The following CTNND2 variants were observed in gnomAD, a reference collection of about 807,000 sequenced individuals.
CTNND2 encodes catenin delta-2.
Under a neutral mutation model 144.4 loss-of-function variants are expected in CTNND2, and 22 were observed. The ratio of observed to expected loss-of-function variants is 0.15; its 90% CI spans 0.11 to 0.22. CTNND2 has a LOEUF of 0.22. CTNND2 is among the 10% of genes least tolerant of loss of function. The pLI is 1.00. For missense variants in CTNND2, 1,353 were observed against 1,618.8 expected, an observed-to-expected ratio of 0.84 and a Z score of 2.82; for synonymous variants, 751 against 695.6, an observed-to-expected ratio of 1.08 and a Z score of -1.25.
In CTNND2 at chr5:11,480,343, G is replaced by A. The variant is rs374222451; in HGVS notation, c.288-68274C>T. On this transcript the variant is annotated intron_variant, in intron 3 of 21. Coordinates refer to ENST00000304623, the MANE Select transcript of CTNND2 (RefSeq NM_001332.4). ...CACCAATGCCACTTGGAGCAGCCTT[G>A]GTTAATCACTTCTTCATGATTGAAG... 3.1e-4 allele frequency among the ~76,000 whole-genome samples: 47 copies of A among 152,196 alleles called. No homozygotes were observed. In the East Asian group the frequency reaches 8.1e-3, roughly 26 times the overall value.
At chr5:11,743,229 A>C (rs1233489192) in intron 1 of CTNND2, among the ~76,000 whole-genome samples, 1 of 152,240 alleles carries the variant, frequency 6.6e-6, no homozygotes. Flanking sequence ...CGATTAGAGT[A>C]AAATCAATAA....
At chr5:11,618,095 T>A (rs2126413569) in intron 2 of CTNND2, among the ~76,000 whole-genome samples, 2 of 152,278 alleles carry the variant, frequency 1.3e-5, no homozygotes, top group African/African-American at 4.8e-5. Flanking sequence ...AGGCTTTTTT[T>A]TTTTAATACC....
chr5:11,205,723 G>C (rs1737973617), intron 10 of CTNND2, among the ~76,000 whole-genome samples: 1 of 152,126 alleles, frequency 6.6e-6, no homozygotes, highest in Admixed American at 6.5e-5. Context: ...TTTCATAAAG[G>C]TCATAATTTT....
In CTNND2 at chr5:11,777,234, T is replaced by G. The variant is rs1235465722; in HGVS notation, c.38-44962A>C. 2.0e-5 allele frequency among the ~76,000 whole-genome samples: 3 copies of G among 152,308 alleles called. No homozygotes were observed. The East Asian group carries it at 5.8e-4, about 29-fold the overall frequency. On this transcript the variant is annotated intron_variant, in intron 1 of 21. Coordinates refer to ENST00000304623, the MANE Select transcript of CTNND2 (RefSeq NM_001332.4). ...TGTAAATTTGCCCTTCAGCTACAAA[T>G]GAATCACTTACTCCTCAATCAACAG...
At chr5:11,677,905 G>A (rs1293417252) in intron 2 of CTNND2, among the ~76,000 whole-genome samples, 2 of 152,134 alleles carry the variant, frequency 1.3e-5, no homozygotes, top group African/African-American at 4.8e-5. Flanking sequence ...GAACACTGCA[G>A]GAGTTCCACT....
intron 3 of CTNND2, among the ~76,000 whole-genome samples, chr5:11,455,297 T>C (rs1765636479): frequency 6.6e-6 from 1 of 152,266 alleles, no homozygotes; most frequent in Admixed American, 6.5e-5. Flanking sequence ...AGGTGATGCA[T>C]AGTGCAAAGA....
intron 12 of CTNND2, among the ~76,000 whole-genome samples, chr5:11,146,107 C>T (rs1429652585): frequency 2.0e-5 from 3 of 151,444 alleles, no homozygotes; most frequent in Admixed American, 6.6e-5. Flanking sequence ...CCCCATGATG[C>T]ACCACAGTTC....
At chr5:11,599,817 GCTAT>G (rs754778178) in intron 2 of CTNND2, among the ~76,000 whole-genome samples, 2 of 152,074 alleles carry the variant, frequency 1.3e-5, no homozygotes, top group Non-Finnish European at 2.9e-5. Context: ...CACTGATTTG[GCTAT>G]CTAATTTCTT....
chr5:11,082,486 T>C (rs1749678658), intron 16 of CTNND2, among the ~76,000 whole-genome samples: 1 of 152,190 alleles, frequency 6.6e-6, no homozygotes, highest in East Asian at 1.9e-4. Context: ...GGATTAGAAA[T>C]GTCAACGAGC....
chr5:11,512,725 G>A (rs1189521819), intron 3 of CTNND2, among the ~76,000 whole-genome samples: 1 of 152,154 alleles, frequency 6.6e-6, no homozygotes, highest in Non-Finnish European at 1.5e-5. Context: ...TTTACATAGG[G>A]CTCCAGGGGA....
chr5:11,333,422 C>A (rs1753383932), intron 9 of CTNND2, among the ~76,000 whole-genome samples: 1 of 152,122 alleles, frequency 6.6e-6, no homozygotes, highest in Non-Finnish European at 1.5e-5. Context: ...TGCCACCACA[C>A]CCAGCTAATT....
At chr5:11,638,133 C>T (rs892644658) in intron 2 of CTNND2, among the ~76,000 whole-genome samples, 5 of 152,276 alleles carry the variant, frequency 3.3e-5, no homozygotes, top group Non-Finnish European at 7.4e-5. Flanking sequence ...CTGTTACTAG[C>T]TGCCCCTCTG....
chr5:11,184,156 C>T (rs957673940), intron 11 of CTNND2, among the ~76,000 whole-genome samples: 4 of 152,130 alleles, frequency 2.6e-5, no homozygotes, highest in South Asian at 2.1e-4. Flanking sequence ...CTCTCACTAA[C>T]GATGGAGGGG....
At position 11,770,209 on chromosome 5, in the gene CTNND2, G is replaced by C. The variant is rs944547634; in HGVS notation, c.38-37937C>G. On this transcript the variant is annotated intron_variant, in intron 1 of 21. Coordinates refer to ENST00000304623, the MANE Select transcript of CTNND2 (RefSeq NM_001332.4). ...ACAGACATAGGGAGAGACAGAAGAA[G>C]AATGGAAACCTGGTCTCTGTATTTT... is the stretch of plus-strand genomic sequence containing the variant. 2.6e-5 allele frequency among the ~76,000 whole-genome samples: 4 copies of C among 152,174 alleles called. No individual in the cohort carries two copies. In the East Asian group the frequency reaches 7.7e-4, roughly 29 times the overall value.
chr5:11,471,141 C>T (rs944961706), intron 3 of CTNND2, among the ~76,000 whole-genome samples: 4 of 151,226 alleles, frequency 2.6e-5, no homozygotes, highest in African/African-American at 9.7e-5. Flanking sequence ...ACATGCCCAG[C>T]TAATTTTTTG....
At chr5:11,516,260 A>G (rs1336277558) in intron 3 of CTNND2, among the ~76,000 whole-genome samples, 1 of 152,126 alleles carries the variant, frequency 6.6e-6, no homozygotes, top group African/African-American at 2.4e-5. Flanking sequence ...ACTAAGATTG[A>G]GAATAAGACA....
chr5:11,210,037 T>A (rs1420889361), intron 10 of CTNND2, among the ~76,000 whole-genome samples: 1 of 152,234 alleles, frequency 6.6e-6, no homozygotes, highest in Admixed American at 6.5e-5. Context: ...CACTTCCTTT[T>A]CTTTCTCCTC....
intron 7 of CTNND2, among the ~76,000 whole-genome samples, chr5:11,383,690 T>C (rs1427727986): frequency 1.3e-5 from 2 of 152,206 alleles, no homozygotes; most frequent in Non-Finnish European, 2.9e-5. Flanking sequence ...TTCACAGTCA[T>C]CTATTTGTGT....
chr5:11,676,695 T>C (rs1019272938), intron 2 of CTNND2, among the ~76,000 whole-genome samples: 5 of 152,172 alleles, frequency 3.3e-5, no homozygotes, highest in Non-Finnish European at 7.3e-5. Context: ...CATGTTATCA[T>C]TCCTTTATGG....
Sources: allele counts gnomAD v4.1 joint callset (sites outside exome capture counted in the v4.1 genomes callset), GRCh38; gene constraint gnomAD v4.1.1; transcripts MANE v1.5; gene names NCBI Gene and HGNC (gene_info 2026-07-23, HGNC 2026-07-21).